The following MGAT4C variants were observed in gnomAD, a reference collection of about 807,000 sequenced individuals.
MGAT4C encodes MGAT4 family member C, also known as alpha-1,3-mannosyl-glycoprotein 4-beta-N-acetylglucosaminyltransferase C.
A neutral mutation model predicts 40.1 loss-of-function variants in MGAT4C; 19 were observed. The observed-to-expected ratio is 0.47, with a 90% CI of 0.33 to 0.70. MGAT4C has a LOEUF of 0.70. Among genes scored for constraint, MGAT4C ranks in the 30% least tolerant of loss-of-function variants. The pLI is 0.02. For synonymous variants in MGAT4C, 181 were observed against 187.1 expected (o/e 0.97, Z 0.27); for missense variants, 491 against 563.2 (o/e 0.87, Z 1.30).
chr12:86,120,334 G>A (rs1879168253), intron 1 of MGAT4C, among the ~76,000 whole-genome samples: 1 of 152,104 alleles, frequency 6.6e-6, no homozygotes, highest in South Asian at 2.1e-4. Flanking sequence ...CTGAACAAAA[G>A]GCAGCAGAAA....
intron 1 of MGAT4C, among the ~76,000 whole-genome samples, chr12:86,218,051 T>G (rs1274286271): frequency 6.6e-6 from 1 of 151,270 alleles, no homozygotes; most frequent in Non-Finnish European, 1.5e-5. Flanking sequence ...AAACGAGAAC[T>G]TTTTTTTTGG....
intron 2 of MGAT4C, among the ~76,000 whole-genome samples, chr12:86,493,764 T>C (rs1324199210): frequency 6.6e-6 from 1 of 151,838 alleles, no homozygotes; most frequent in Non-Finnish European, 1.5e-5. Context: ...AATTTGCACA[T>C]TGTGCACATG....
chr12:86,683,145 A>C (rs1950010806), intron 2 of MGAT4C, among the ~76,000 whole-genome samples: 1 of 152,128 alleles, frequency 6.6e-6, no homozygotes, highest in Non-Finnish European at 1.5e-5. Context: ...CAGTTTCTCT[A>C]TGAAATTGAC....
rs537708264 is a variant in MGAT4C at position 86,435,057 on chromosome 12, T to A, written c.-120+100A>T. On this transcript the variant is annotated intron_variant, in intron 3 of 7. Coordinates refer to the MGAT4C transcript ENST00000548651. The stretch of plus-strand genomic sequence containing the variant: ...CAAAGAAAAAACATTTTCTGACTTA[T>A]AAACATATAACAGAGTCTCCTCTCC... 97 of 152,074 alleles carry A rather than the reference T, an allele frequency of 6.4e-4. 1 individual carries two copies. Among genetic ancestry groups the A allele is most frequent in the African/African-American group, 2.3e-3 (96 of 41,562 alleles). The allele number at this position is 152,074 out of a possible 1,614,324, so 9.4% of individuals were successfully genotyped here.
chr12:86,382,304 C>A (rs1955949780), intron 3 of MGAT4C, among the ~76,000 whole-genome samples: 1 of 152,174 alleles, frequency 6.6e-6, no homozygotes, highest in South Asian at 2.1e-4. Flanking sequence ...TGTGCCCCTG[C>A]ACTAGAGATT....
intron 3 of MGAT4C, among the ~76,000 whole-genome samples, chr12:86,417,917 C>T (rs1311026737): frequency 6.6e-6 from 1 of 152,080 alleles, no homozygotes; most frequent in Non-Finnish European, 1.5e-5. Flanking sequence ...AATTATTATG[C>T]TCATTTGCAA....
chr12:86,120,230 A>AT (rs1879150320), intron 1 of MGAT4C, among the ~76,000 whole-genome samples: 2 of 151,384 alleles, frequency 1.3e-5, no homozygotes, highest in Non-Finnish European at 2.9e-5. Flanking sequence ...ATTTTATTTT[A>AT]TTTTTTAATT....
chr12:86,407,619 T>A (rs1043603958), intron 3 of MGAT4C, among the ~76,000 whole-genome samples: 1 of 152,076 alleles, frequency 6.6e-6, no homozygotes, highest in Non-Finnish European at 1.5e-5. Context: ...ATTACTTTTT[T>A]TTAAGTTTAA....
chr12:86,456,462 T>C (rs1047263515), intron 2 of MGAT4C, among the ~76,000 whole-genome samples: 1 of 152,126 alleles, frequency 6.6e-6, no homozygotes, highest in Non-Finnish European at 1.5e-5. Flanking sequence ...ATCATATTAC[T>C]GCCTGGAGCT....
chr12:86,623,433 A>C (rs571537810), intron 2 of MGAT4C, among the ~76,000 whole-genome samples: 10 of 152,312 alleles, frequency 6.6e-5, no homozygotes, highest in African/African-American at 2.4e-4. Context: ...AAGCATTAAA[A>C]GTTATCAGTT....
At chr12:86,492,132 C>A (rs1958149545) in intron 2 of MGAT4C, among the ~76,000 whole-genome samples, 1 of 152,056 alleles carries the variant, frequency 6.6e-6, no homozygotes, top group Non-Finnish European at 1.5e-5. Flanking sequence ...AACCACTGCT[C>A]AATGAAATAA....
At chr12:86,771,686 A>ATGTG (rs59917182) in intron 1 of MGAT4C, among the ~76,000 whole-genome samples, 118 of 146,862 alleles carry the variant, frequency 8.0e-4, no homozygotes, top group Middle Eastern at 6.9e-3. Flanking sequence ...ATAAATATAT[A>ATGTG]TGTGTGTGTG....
chr12:86,770,687 G>A (rs1244043258), intron 1 of MGAT4C, among the ~76,000 whole-genome samples: 2 of 151,980 alleles, frequency 1.3e-5, no homozygotes, highest in African/African-American at 2.4e-5. Context: ...ACTTATGTAT[G>A]AATTCTTTCA....
chr12:86,674,509 A>C (rs1964342997), intron 2 of MGAT4C, among the ~76,000 whole-genome samples: 1 of 152,026 alleles, frequency 6.6e-6, no homozygotes, highest in Admixed American at 6.6e-5. Context: ...CTGCCTGGCC[A>C]GTATGGTGAA....
In MGAT4C at chr12:86,636,351, T is replaced by G. The variant is rs186250045; in HGVS notation, c.-229+90858A>C. On this transcript the variant is annotated intron_variant, in intron 2 of 7. Transcript: ENST00000548651. Reference sequence around the variant, plus strand: ...CAGTAATGATTATATCCCCAGTAAGTTCCCTCAAAATATCTTACTACTGTG... The same window carrying G: ...CAGTAATGATTATATCCCCAGTAAGGTCCCTCAAAATATCTTACTACTGTG... Among the ~76,000 whole-genome samples, 175 of 152,154 alleles carry G rather than the reference T, an allele frequency of 1.2e-3. 3 individuals are homozygous for G. Among genetic ancestry groups the G allele is most frequent in the Admixed American group, 3.5e-3 (54 of 15,268 alleles).
intron 2 of MGAT4C, among the ~76,000 whole-genome samples, chr12:86,542,761 T>G (rs2136387238): frequency 6.6e-6 from 1 of 152,274 alleles, no homozygotes; most frequent in Non-Finnish European, 1.5e-5. Flanking sequence ...TCTGTATCAG[T>G]TTTCACTGGA....
chr12:86,365,552 G>A (rs1036731418), intron 3 of MGAT4C, among the ~76,000 whole-genome samples: 8 of 152,156 alleles, frequency 5.3e-5, no homozygotes, highest in African/African-American at 1.9e-4. Flanking sequence ...ACAAGCATAA[G>A]AAATTATAAA....
chr12:86,651,355 T>C (rs1281308958), intron 2 of MGAT4C, among the ~76,000 whole-genome samples: 2 of 151,836 alleles, frequency 1.3e-5, no homozygotes, highest in Non-Finnish European at 2.9e-5. Flanking sequence ...ATATGTCAGG[T>C]AGCCACAGAG....
chr12:86,140,986 G>T (rs1882756611), intron 1 of MGAT4C, among the ~76,000 whole-genome samples: 1 of 152,174 alleles, frequency 6.6e-6, no homozygotes, highest in South Asian at 2.1e-4. Flanking sequence ...TTTGACCAAT[G>T]AAATGTGCAG....
Sources: gnomAD v4.1 joint callset for allele counts (sites outside exome capture counted in the v4.1 genomes callset) on GRCh38, gnomAD v4.1.1 for gene constraint, MANE v1.5 for transcripts, NCBI Gene and HGNC (gene_info 2026-07-23, HGNC 2026-07-21) for gene names.